The following SNTB1 variants were observed in gnomAD, a reference collection of about 807,000 sequenced individuals.
SNTB1 encodes syntrophin beta 1.
Under a neutral mutation model 48.9 loss-of-function variants are expected in SNTB1, and 36 were observed. The ratio of observed to expected loss-of-function variants is 0.74; its 90% CI spans 0.56 to 0.97. The LOEUF (loss-of-function observed/expected upper bound fraction) is 0.97, where lower values mean the gene tolerates loss of function less well. Among genes scored for constraint, SNTB1 ranks in the 50% least tolerant of loss-of-function variants. The pLI is 0.00. For synonymous variants in SNTB1, 299 were observed against 294.6 expected (o/e 1.01, Z -0.15); for missense variants, 786 against 703.4 (o/e 1.12, Z -1.33).
intron 2 of SNTB1, among the ~76,000 whole-genome samples, chr8:120,654,030 ACT>A (rs1415248160): frequency 5.0e-5 from 5 of 100,614 alleles, no homozygotes; most frequent in Non-Finnish European, 9.4e-5. Flanking sequence ...ACAGAGCGAG[ACT>A]CTGCCTCAAA....
chr8:120,584,466 A>AAAT (rs1816104415), intron 3 of SNTB1, among the ~76,000 whole-genome samples: 1 of 138,810 alleles, frequency 7.2e-6, no homozygotes, highest in African/African-American at 2.6e-5. Context: ...AAAAAAGTGT[A>AAAT]GTAATTTAGA....
chr8:120,640,077 T>G (rs1817163682), intron 2 of SNTB1, among the ~76,000 whole-genome samples: 2 of 151,934 alleles, frequency 1.3e-5, no homozygotes, highest in South Asian at 4.2e-4. Context: ...GTAGTTCTCC[T>G]TGAAGAGGTC....
At chr8:120,757,028 T>C (rs529722050) in intron 1 of SNTB1, among the ~76,000 whole-genome samples, 1 of 152,312 alleles carries the variant, frequency 6.6e-6, no homozygotes, top group South Asian at 2.1e-4. Flanking sequence ...CAGGAATTGA[T>C]ATAAGAATAA....
intron 2 of SNTB1, among the ~76,000 whole-genome samples, chr8:120,673,400 C>G (rs1008605692): frequency 1.3e-5 from 2 of 151,750 alleles, no homozygotes; most frequent in Non-Finnish European, 2.9e-5. Flanking sequence ...AAGCGGTTCT[C>G]CTGCCTTAGC....
chr8:120,809,954 C>G (rs1222781771), intron 1 of SNTB1, among the ~76,000 whole-genome samples: 2 of 152,176 alleles, frequency 1.3e-5, no homozygotes, highest in Admixed American at 1.3e-4. Context: ...GTGATGCTGG[C>G]ACCCTTACTT....
chr8:120,695,251 A>C (rs1818193106), intron 1 of SNTB1, among the ~76,000 whole-genome samples: 1 of 152,218 alleles, frequency 6.6e-6, no homozygotes, highest in African/African-American at 2.4e-5. Context: ...AATCGGTTCC[A>C]CCAACTAGTG....
chr8:120,763,489 C>T (rs1362298169), intron 1 of SNTB1, among the ~76,000 whole-genome samples: 1 of 152,132 alleles, frequency 6.6e-6, no homozygotes, highest in Non-Finnish European at 1.5e-5. Flanking sequence ...AAAAAATTGA[C>T]CTATTAAAAC....
chr8:120,597,532 G>A (rs565248506), intron 3 of SNTB1, among the ~76,000 whole-genome samples: 17 of 152,328 alleles, frequency 1.1e-4, no homozygotes, highest in African/African-American at 3.8e-4. Flanking sequence ...TTTAGGAGTA[G>A]CAGGACATCA....
At chr8:120,621,898 TG>T (rs1490958062) in intron 3 of SNTB1, among the ~76,000 whole-genome samples, 1 of 152,212 alleles carries the variant, frequency 6.6e-6, no homozygotes, top group Non-Finnish European at 1.5e-5. Context: ...AAAGCCACTT[TG>T]AACCAATAAT....
intron 1 of SNTB1, among the ~76,000 whole-genome samples, chr8:120,788,097 G>A (rs1363247341): frequency 6.6e-6 from 1 of 152,120 alleles, no homozygotes; most frequent in African/African-American, 2.4e-5. Context: ...TAGAATAACT[G>A]TCAGCCAAGA....
chr8:120,648,645 T>G (rs1322049357), intron 2 of SNTB1, among the ~76,000 whole-genome samples: 2 of 151,930 alleles, frequency 1.3e-5, no homozygotes, highest in East Asian at 3.9e-4. Flanking sequence ...ATTGTGTGTC[T>G]TGGAGTTGCT....
intron 1 of SNTB1, 114 bp downstream of exon 1, chr8:120,811,159 G>GC (rs1479565956): frequency 5.0e-5 from 67 of 1,351,822 alleles, no homozygotes; most frequent in Non-Finnish European, 6.0e-5. Flanking sequence ...CACACACCCG[G>GC]CCCCCTGGGG....
chr8:120,560,800 G>A (rs1212071607), intron 4 of SNTB1, among the ~76,000 whole-genome samples: 1 of 152,190 alleles, frequency 6.6e-6, no homozygotes, highest in Non-Finnish European at 1.5e-5. Flanking sequence ...GAAAGGTTGT[G>A]TGGATGCATT....
intron 2 of SNTB1, among the ~76,000 whole-genome samples, chr8:120,671,465 T>A (rs1396327276): frequency 6.6e-6 from 1 of 152,220 alleles, no homozygotes; most frequent in Admixed American, 6.5e-5. Flanking sequence ...AAGCGGAGAT[T>A]GCAGGGATGC....
chr8:120,783,215 C>G (rs1346265019), intron 1 of SNTB1, among the ~76,000 whole-genome samples: 1 of 152,126 alleles, frequency 6.6e-6, no homozygotes, highest in East Asian at 1.9e-4. Context: ...CTACTTCTCA[C>G]TCTCAGTTGG....
intron 4 of SNTB1, among the ~76,000 whole-genome samples, chr8:120,555,988 C>A (rs1815560786): frequency 6.6e-6 from 1 of 152,168 alleles, no homozygotes; most frequent in African/African-American, 2.4e-5. Context: ...ACTGTGAAAA[C>A]TAAATGTCTG....
In SNTB1 at chr8:120,693,910, T is replaced by C; in HGVS notation, c.572-2A>G. 1 of 1,611,764 alleles carries C rather than the reference T, an allele frequency of 6.2e-7. No homozygotes were observed. Among genetic ancestry groups the C allele is most frequent in the Non-Finnish European group, 8.5e-7 (1 of 1,178,314 alleles). On this transcript the variant is annotated splice_acceptor_variant, in intron 1 of 6. Coordinates refer to ENST00000517992, the MANE Select transcript of SNTB1 (RefSeq NM_021021.4). LOFTEE classifies it high-confidence loss of function. The stretch of plus-strand genomic sequence containing the variant: ...GCGTGGCTTCTCGCATGTACTTCAC[T>C]GCAAGGAAAAAGACAACAAGTGCTT...
intron 4 of SNTB1, among the ~76,000 whole-genome samples, chr8:120,567,985 A>C (rs930628266): frequency 2.6e-5 from 4 of 152,238 alleles, no homozygotes; most frequent in African/African-American, 9.6e-5. Context: ...TTATGTGGTC[A>C]TATATAAAGG....
intron 1 of SNTB1, among the ~76,000 whole-genome samples, chr8:120,796,342 T>C (rs1027586130): frequency 3.9e-5 from 6 of 152,048 alleles, no homozygotes; most frequent in Non-Finnish European, 8.8e-5. Flanking sequence ...AGTGGACTAA[T>C]ACACTTGATT....
Sources: gnomAD v4.1 joint callset for allele counts (sites outside exome capture counted in the v4.1 genomes callset) on GRCh38, gnomAD v4.1.1 for gene constraint, MANE v1.5 for transcripts, NCBI Gene and HGNC (gene_info 2026-07-23, HGNC 2026-07-21) for gene names.